The following STK32B variants were observed in gnomAD, a reference collection of about 807,000 sequenced individuals.
STK32B encodes the protein serine/threonine kinase 32B.
Under a neutral mutation model 52.6 loss-of-function variants are expected in STK32B, and 43 were observed. The ratio of observed to expected loss-of-function variants is 0.82; its 90% CI spans 0.64 to 1.05. STK32B has a LOEUF of 1.05. Among genes scored for constraint, STK32B ranks in the 50% least tolerant of loss-of-function variants. The pLI, the probability that STK32B is intolerant of heterozygous loss-of-function variation, is 0.00. For synonymous variants in STK32B, 238 were observed against 204.3 expected, an observed-to-expected ratio of 1.17 and a Z score of -1.41; for missense variants, 621 against 534.6, an observed-to-expected ratio of 1.16 and a Z score of -1.59.
chr4:5,113,930 C>G (rs35830411), intron 1 of STK32B, among the ~76,000 whole-genome samples: 1 of 152,050 alleles, frequency 6.6e-6, no homozygotes, highest in South Asian at 2.1e-4. Context: ...AAACCCGCCC[C>G]CCTTTTTAAA....
chr4:5,372,692 C>G (rs942954057), intron 4 of STK32B, among the ~76,000 whole-genome samples: 1 of 148,096 alleles, frequency 6.8e-6, no homozygotes, highest in African/African-American at 2.5e-5. Flanking sequence ...CTACACACTT[C>G]GAGCTCGTGG....
At chr4:5,419,954 T>C (rs1461208125) in intron 6 of STK32B, among the ~76,000 whole-genome samples, 2 of 152,246 alleles carry the variant, frequency 1.3e-5, no homozygotes, top group Admixed American at 6.5e-5. Flanking sequence ...ATTTACTATA[T>C]GTCAGGTACC....
intron 5 of STK32B, among the ~76,000 whole-genome samples, chr4:5,404,383 T>C (rs943729731): frequency 2.6e-5 from 4 of 152,094 alleles, no homozygotes; most frequent in Non-Finnish European, 5.9e-5. Context: ...CTCCTTTTGA[T>C]AAGGACACTC....
In STK32B at chr4:5,156,458, C is replaced by G. The variant is rs1717854625; in HGVS notation, c.109-11841C>G. Among the ~76,000 whole-genome samples the G allele has an allele frequency of 3.9e-5, 6 of 152,304 alleles. No individual in the cohort carries two copies. The South Asian group carries it at 1.2e-3, about 32-fold the overall frequency. ...ACAGACACTCCTCTATTTCCACTCA[C>G]CCTCGTCCAGCCCCTACTCTTCACT... On this transcript the variant is annotated intron_variant, in intron 2 of 11. Transcript: ENST00000282908.
intron 3 of STK32B, among the ~76,000 whole-genome samples, chr4:5,246,574 G>A (rs1029872089): frequency 6.6e-6 from 1 of 152,122 alleles, no homozygotes; most frequent in African/African-American, 2.4e-5. Flanking sequence ...CTCTCAACTT[G>A]TCATAGTCAT....
chr4:5,225,940 C>A (rs971607757), intron 3 of STK32B, among the ~76,000 whole-genome samples: 4 of 152,064 alleles, frequency 2.6e-5, no homozygotes, highest in African/African-American at 9.7e-5. Flanking sequence ...CCTGTTTTTC[C>A]CTCTCAAATA....
upstream of STK32B, among the ~76,000 whole-genome samples, chr4:5,048,563 C>T (rs999750733): frequency 4.6e-5 from 7 of 152,166 alleles, no homozygotes; most frequent in African/African-American, 1.7e-4. Flanking sequence ...TCCCAAAGTT[C>T]TGGGATTACA....
At chr4:5,401,813 G>A (rs964255178) in intron 5 of STK32B, among the ~76,000 whole-genome samples, 4 of 152,166 alleles carry the variant, frequency 2.6e-5, no homozygotes, top group African/African-American at 7.2e-5. Flanking sequence ...AACTTAAATC[G>A]CATAAACAAA....
intron 4 of STK32B, among the ~76,000 whole-genome samples, chr4:5,390,482 G>A (rs1243450521): frequency 6.6e-6 from 1 of 152,138 alleles, no homozygotes; most frequent in Non-Finnish European, 1.5e-5. Context: ...CTTATGTAAG[G>A]TCTTTCATTT....
At chr4:5,205,179 C>T (rs1722470729) in intron 3 of STK32B, among the ~76,000 whole-genome samples, 1 of 151,356 alleles carries the variant, frequency 6.6e-6, no homozygotes, top group African/African-American at 2.5e-5. Flanking sequence ...GGACTTATAT[C>T]ATTGCCTCTC....
At chr4:5,192,895 C>G (rs994780711) in intron 3 of STK32B, among the ~76,000 whole-genome samples, 1 of 152,212 alleles carries the variant, frequency 6.6e-6, no homozygotes, top group Non-Finnish European at 1.5e-5. Flanking sequence ...CCCTGGCACC[C>G]TCCGTTCCAC....
intron 3 of STK32B, among the ~76,000 whole-genome samples, chr4:5,214,614 A>G (rs1009252761): frequency 3.3e-5 from 5 of 152,224 alleles, no homozygotes; most frequent in South Asian, 2.1e-4. Flanking sequence ...CACACACACT[A>G]TCTTAATTAT....
rs1176661583 is a variant in STK32B, at chr4:5,398,550, A to G, written c.472+306A>G. Among the ~76,000 whole-genome samples, 1 of 152,148 alleles carries G rather than the reference A, an allele frequency of 6.6e-6. No individual in the cohort carries two copies. Among genetic ancestry groups the G allele is most frequent in the South Asian group, 2.1e-4 (1 of 4,828 alleles). On this transcript the variant is annotated intron_variant, in intron 5 of 11. Transcript: ENST00000282908. This position sits in a 1 kb window ranked among gnomAD's most constrained non-coding sequence, Gnocchi z 4.9. ...GGTTCCAACCCCAACTCCCTCACCT[A>G]TGAACGTGTGGCTTCAGAAGTCACC...
chr4:5,135,307 G>A lies in STK32B; in HGVS notation c.53-4598G>A, dbSNP rs940317612. On this transcript the variant is annotated intron_variant, in intron 1 of 11. Transcript: ENST00000282908. ...GGAGGCTGATGCACAGAGAGCCTGA[G>A]TGACTTCCCCAACATCACCCAGCCA... Among the ~76,000 whole-genome samples the A allele has an allele frequency of 3.9e-5, 6 of 152,336 alleles. No homozygotes were observed. The South Asian group carries it at 8.3e-4, about 21-fold the overall frequency.
chr4:5,390,964 CTTTTTT>C (rs71638602), intron 4 of STK32B, among the ~76,000 whole-genome samples: 4 of 124,036 alleles, frequency 3.2e-5, no homozygotes, highest in Admixed American at 9.1e-5. Flanking sequence ...TCTTTTCTAT[CTTTTTT>C]TTTTTTTTTT....
chr4:5,239,039 G>A (rs987812620), intron 3 of STK32B, among the ~76,000 whole-genome samples: 1 of 152,168 alleles, frequency 6.6e-6, no homozygotes. Context: ...GAAGGAGTAG[G>A]GATTAATCAG....
chr4:5,309,516 A>G (rs1230814809), intron 3 of STK32B, among the ~76,000 whole-genome samples: 8 of 152,216 alleles, frequency 5.3e-5, no homozygotes, highest in East Asian at 1.9e-4. Flanking sequence ...CCAAAACAGT[A>G]TGGTGTTGAC....
chr4:5,363,369 G>T (rs1198917578), intron 4 of STK32B, among the ~76,000 whole-genome samples: 1 of 152,128 alleles, frequency 6.6e-6, no homozygotes, highest in African/African-American at 2.4e-5. Context: ...CAGAAGCTAT[G>T]ACTTGCCAAG....
intron 1 of STK32B, among the ~76,000 whole-genome samples, chr4:5,113,612 C>T (rs959261220): frequency 5.9e-5 from 9 of 152,152 alleles, no homozygotes; most frequent in African/African-American, 1.7e-4. Flanking sequence ...ATTTCTTTAA[C>T]GTACACACAC....
Sources: allele counts gnomAD v4.1 joint callset (sites outside exome capture counted in the v4.1 genomes callset), GRCh38; gene constraint gnomAD v4.1.1; non-coding constraint Gnocchi (gnomAD v3.1); transcripts MANE v1.5; gene names NCBI Gene and HGNC (gene_info 2026-07-23, HGNC 2026-07-21).